CSMD3: variants seen among roughly 807,000 people sequenced by gnomAD.
The protein encoded by CSMD3 is CUB and sushi domain-containing protein 3.
A neutral mutation model predicts 435.2 loss-of-function variants in CSMD3; 177 were observed. The ratio of observed to expected loss-of-function variants is 0.41; its 90% confidence interval spans 0.36 to 0.46. The LOEUF (loss-of-function observed/expected upper bound fraction) is 0.46. CSMD3 is among the 20% of genes least tolerant of loss of function. The probability of loss-of-function intolerance (pLI) is 0.34; values close to 1 mark genes in which losing one functional copy is unlikely to be tolerated. For missense variants in CSMD3, 4,265 were observed against 4,504.6 expected (o/e 0.95, Z 1.52); for synonymous variants, 1,656 against 1,520.5 (o/e 1.09, Z -2.07).
In CSMD3 at chr8:112,912,400, T is replaced by A. The variant is rs1485689646; in HGVS notation, c.1633+9227A>T. On this transcript the variant is annotated intron_variant, in intron 10 of 70. Transcript: ENST00000297405. Reference sequence around the variant, plus strand: ...CTAACAGTATATACAGATTCTCTTTTCTCCATATCCTCACCAATACTTAAC... The same window carrying A: ...CTAACAGTATATACAGATTCTCTTTACTCCATATCCTCACCAATACTTAAC... Among the ~76,000 whole-genome samples the A allele has an allele frequency of 2.0e-5, 3 of 151,794 alleles. No homozygotes were observed. In the East Asian group the frequency reaches 5.8e-4, roughly 30 times the overall value.
At chr8:112,676,624 C>G (rs987989772) in intron 16 of CSMD3, among the ~76,000 whole-genome samples, 1 of 152,074 alleles carries the variant, frequency 6.6e-6, no homozygotes, top group Non-Finnish European at 1.5e-5. Flanking sequence ...TTTCAACTTT[C>G]AATCTACATG....
At chr8:112,617,590 T>G (rs1364483560) in intron 22 of CSMD3, among the ~76,000 whole-genome samples, 2 of 152,170 alleles carry the variant, frequency 1.3e-5, no homozygotes, top group African/African-American at 4.8e-5. Flanking sequence ...TTCTTGAAAG[T>G]CTAAAACTAA....
At chr8:112,505,172 T>G (rs1822370657) in intron 29 of CSMD3, among the ~76,000 whole-genome samples, 1 of 152,126 alleles carries the variant, frequency 6.6e-6, no homozygotes, top group Non-Finnish European at 1.5e-5. Flanking sequence ...AGACTTTTCT[T>G]ATATATGGGC....
At chr8:112,234,174 AAAGT>A (rs1457311722) in intron 68 of CSMD3, among the ~76,000 whole-genome samples, 187 bp downstream of exon 68, 1 of 151,612 alleles carries the variant, frequency 6.6e-6, no homozygotes, top group African/African-American at 2.4e-5. Flanking sequence ...ACACACGACA[AAAGT>A]AAGCAAAACA....
rs577031470 is a variant in CSMD3 at position 113,180,110 on chromosome 8, G to A, written c.515-6194C>T. Among the ~76,000 whole-genome samples, 16 of 152,004 alleles carry A rather than the reference G, an allele frequency of 1.1e-4. No individual in the cohort carries two copies. In the South Asian group the frequency reaches 3.1e-3, roughly 30 times the overall value. On this transcript the variant is annotated intron_variant, in intron 3 of 70. Coordinates refer to ENST00000297405, the MANE Select transcript of CSMD3 (RefSeq NM_198123.2). Reference sequence around the variant, plus strand: ...TGCAAAATTATATCTACTAAGGGAAGTAAAATCAAGTTGTTTGTACTTCTT... The same window carrying A: ...TGCAAAATTATATCTACTAAGGGAAATAAAATCAAGTTGTTTGTACTTCTT...
At chr8:112,470,679 T>G (rs1480676503) in intron 32 of CSMD3, among the ~76,000 whole-genome samples, 1 of 136,410 alleles carries the variant, frequency 7.3e-6, no homozygotes, top group East Asian at 2.7e-4. Context: ...ACATCTCTAA[T>G]CTATAAACAA....
intron 1 of CSMD3, among the ~76,000 whole-genome samples, chr8:113,347,184 A>G (rs891750560): frequency 6.6e-6 from 1 of 152,180 alleles, no homozygotes; most frequent in African/African-American, 2.4e-5. Context: ...TTCCACATCA[A>G]TAAAGTAACA....
intron 22 of CSMD3, among the ~76,000 whole-genome samples, chr8:112,592,410 C>A (rs1262848995): frequency 1.3e-5 from 2 of 151,862 alleles, no homozygotes; most frequent in African/African-American, 4.8e-5. Flanking sequence ...TATCCAAGGG[C>A]AAACTAGTGC....
At chr8:112,921,865 T>C in intron 9 of CSMD3, 114 bp from the exon 10 acceptor site, 1 of 800,170 alleles carries the variant, frequency 1.2e-6, no homozygotes, top group South Asian at 1.5e-5. Flanking sequence ...TGACAAAAAG[T>C]ATTTTGGAAA....
chr8:113,065,634 C>T (rs2088821410), intron 5 of CSMD3, among the ~76,000 whole-genome samples: 2 of 152,008 alleles, frequency 1.3e-5, no homozygotes, highest in South Asian at 2.1e-4. Context: ...GTGATCCGCC[C>T]GCCTCGTGCT....
intron 11 of CSMD3, among the ~76,000 whole-genome samples, chr8:112,851,861 C>A (rs557782373): frequency 3.9e-4 from 59 of 151,968 alleles, no homozygotes; most frequent in African/African-American, 1.3e-3. Context: ...AGTAAGTATT[C>A]CCCAGTAGAA....
chr8:113,252,789 A>C (rs1381272456), intron 3 of CSMD3, among the ~76,000 whole-genome samples: 1 of 152,184 alleles, frequency 6.6e-6, no homozygotes, highest in African/African-American at 2.4e-5. Flanking sequence ...CATGAATTTC[A>C]TAAGTAGTGG....
chr8:112,247,644 T>C (rs1476379115), intron 63 of CSMD3, among the ~76,000 whole-genome samples: 1 of 152,116 alleles, frequency 6.6e-6, no homozygotes, highest in African/African-American at 2.4e-5. Flanking sequence ...ATACTGTTTG[T>C]ACTAGCTTTT....
intron 4 of CSMD3, among the ~76,000 whole-genome samples, chr8:113,105,601 A>G (rs1194829055): frequency 6.6e-6 from 1 of 152,170 alleles, no homozygotes; most frequent in Non-Finnish European, 1.5e-5. Flanking sequence ...CAGGGCTGAG[A>G]TTTGTTCAGG....
At chr8:112,995,060 G>A (rs966712060) in intron 6 of CSMD3, among the ~76,000 whole-genome samples, 1 of 151,364 alleles carries the variant, frequency 6.6e-6, no homozygotes, top group Non-Finnish European at 1.5e-5. Flanking sequence ...GAATTCCCAA[G>A]GCACTATTCT....
intron 4 of CSMD3, among the ~76,000 whole-genome samples, chr8:113,113,501 T>C (rs555062705): frequency 3.3e-5 from 5 of 152,332 alleles, no homozygotes; most frequent in Non-Finnish European, 5.9e-5. Flanking sequence ...ATAATGTTTT[T>C]AAAGGCTAGG....
At chr8:113,296,289 A>G (rs2093720963) in intron 2 of CSMD3, among the ~76,000 whole-genome samples, 1 of 105,846 alleles carries the variant, frequency 9.4e-6, no homozygotes, top group South Asian at 3.4e-4. Flanking sequence ...TAGAACTTAA[A>G]GTATAATAAT....
At chr8:112,701,588 T>C (rs1398077177) in intron 13 of CSMD3, among the ~76,000 whole-genome samples, 1 of 152,056 alleles carries the variant, frequency 6.6e-6, no homozygotes, top group Non-Finnish European at 1.5e-5. Context: ...GAAAGGATGG[T>C]CATATTAATT....
intron 22 of CSMD3, among the ~76,000 whole-genome samples, chr8:112,626,421 A>G (rs1834479018): frequency 6.6e-6 from 1 of 152,130 alleles, no homozygotes; most frequent in Admixed American, 6.6e-5. Context: ...AAAACCAATT[A>G]TTAGAAATCA....
Sources: gnomAD v4.1 joint callset for allele counts (sites outside exome capture counted in the v4.1 genomes callset) on GRCh38, gnomAD v4.1.1 for gene constraint, MANE v1.5 for transcripts, NCBI Gene and HGNC (gene_info 2026-07-23, HGNC 2026-07-21) for gene names.